Variants in CLYBL observed in about 807,000 individuals in gnomAD.
The protein encoded by CLYBL is citramalyl-CoA lyase, also known as citramalyl-CoA lyase, mitochondrial.
Under a neutral mutation model 38.9 loss-of-function variants are expected in CLYBL, and 31 were observed. The ratio of observed to expected loss-of-function variants is 0.80; its 90% CI spans 0.60 to 1.08. The LOEUF (loss-of-function observed/expected upper bound fraction) is 1.08. CLYBL is among the 50% of genes least tolerant of loss of function. The pLI is 0.00. For synonymous variants in CLYBL, 171 were observed against 158.6 expected, an observed-to-expected ratio of 1.08 and a Z score of -0.59; for missense variants, 434 against 411.6, an observed-to-expected ratio of 1.05 and a Z score of -0.47.
intron 1 of CLYBL, among the ~76,000 whole-genome samples, chr13:99,665,004 A>G (rs954206075): frequency 2.0e-5 from 3 of 151,914 alleles, no homozygotes; most frequent in African/African-American, 7.2e-5. Context: ...ATAGCAGAAG[A>G]ATGTTTTTCA....
intron 2 of CLYBL, 27 bp from the exon 3 acceptor site, chr13:99,858,827 AAATAAAC>A (rs746693385): frequency 9.9e-6 from 15 of 1,520,460 alleles, no homozygotes; most frequent in Non-Finnish European, 1.2e-5. Flanking sequence ...TCAATGATAA[AAATAAAC>A]AATAAACTTT....
chr13:99,731,401 T>C (rs1007334130), intron 1 of CLYBL, among the ~76,000 whole-genome samples: 10 of 147,774 alleles, frequency 6.8e-5, no homozygotes, highest in African/African-American at 1.0e-4. Context: ...TGGGAGGCCA[T>C]GGTGGGAGGA....
chr13:99,703,886 T>C (rs1044093419), intron 1 of CLYBL, among the ~76,000 whole-genome samples: 3 of 152,226 alleles, frequency 2.0e-5, no homozygotes, highest in African/African-American at 7.2e-5. Context: ...AGCTTATACA[T>C]ATAAGATAAT....
intron 1 of CLYBL, among the ~76,000 whole-genome samples, chr13:99,632,855 A>C (rs2046965175): frequency 6.6e-6 from 1 of 152,232 alleles, no homozygotes; most frequent in Non-Finnish European, 1.5e-5. Context: ...ATTAATAGAC[A>C]AGGACTTTAA....
chr13:99,807,347 T>C (rs2050251998), intron 2 of CLYBL, among the ~76,000 whole-genome samples: 1 of 152,234 alleles, frequency 6.6e-6, no homozygotes, highest in African/African-American at 2.4e-5. Flanking sequence ...ATCCACTGGC[T>C]GGTATTCAGT....
intron 1 of CLYBL, among the ~76,000 whole-genome samples, chr13:99,659,311 C>T (rs1407562911): frequency 6.6e-6 from 1 of 151,872 alleles, no homozygotes; most frequent in Admixed American, 6.6e-5. Flanking sequence ...CAGTGATTGC[C>T]CTAACTTGTG....
At chr13:99,789,994 G>T (rs1301746251) in intron 2 of CLYBL, among the ~76,000 whole-genome samples, 2 of 152,064 alleles carry the variant, frequency 1.3e-5, no homozygotes, top group East Asian at 3.9e-4. Context: ...TTTAAAGTCT[G>T]TTTTATCAAA....
intron 1 of CLYBL, among the ~76,000 whole-genome samples, chr13:99,678,424 C>T (rs563117008): frequency 4.3e-4 from 65 of 152,308 alleles, no homozygotes; most frequent in Admixed American, 6.5e-4. Flanking sequence ...AGGTTGATTC[C>T]AAGCTCTGCT....
intron 1 of CLYBL, among the ~76,000 whole-genome samples, chr13:99,730,892 G>C (rs931373731): frequency 1.3e-5 from 2 of 151,690 alleles, no homozygotes; most frequent in Non-Finnish European, 2.9e-5. Context: ...AGACCAGCCT[G>C]GACAACATGG....
chr13:99,663,738 A>G lies in CLYBL; in HGVS notation c.62+56981A>G, dbSNP rs200430754. 1.4e-4 allele frequency among the ~76,000 whole-genome samples: 22 copies of G among 152,306 alleles called. No individual in the cohort carries two copies. In the East Asian group the frequency reaches 4.2e-3, roughly 29 times the overall value. On this transcript the variant is annotated intron_variant, in intron 1 of 8. Coordinates refer to ENST00000339105, the MANE Select transcript of CLYBL (RefSeq NM_206808.5). ...TTGTGCGGAAGCCAGCTGGCATCTC[A>G]CAGGGACAACCTACAACCTGAGCTG...
At chr13:99,704,072 A>T (rs2048110272) in intron 1 of CLYBL, among the ~76,000 whole-genome samples, 1 of 152,220 alleles carries the variant, frequency 6.6e-6, no homozygotes. Flanking sequence ...AAAGTTGCTT[A>T]TGTAAAGACT....
At chr13:99,792,565 C>T (rs1336925316) in intron 2 of CLYBL, among the ~76,000 whole-genome samples, 1 of 152,146 alleles carries the variant, frequency 6.6e-6, no homozygotes, top group Non-Finnish European at 1.5e-5. Flanking sequence ...TTGGCAATCC[C>T]TCCACCCCAC....
chr13:99,904,935 A>G (rs1341641821), intron 8 of CLYBL, among the ~76,000 whole-genome samples: 1 of 152,190 alleles, frequency 6.6e-6, no homozygotes, highest in Admixed American at 6.5e-5. Context: ...GCTTTGAGCC[A>G]TCTTTGCAGA....
chr13:99,772,487 A>G (rs1020443739), intron 1 of CLYBL, among the ~76,000 whole-genome samples: 1 of 152,138 alleles, frequency 6.6e-6, no homozygotes, highest in African/African-American at 2.4e-5. Context: ...CCTTGAGCCT[A>G]GGAGTTCAAG....
chr13:99,616,750 G>T (rs1027829419), intron 1 of CLYBL, among the ~76,000 whole-genome samples: 3 of 152,144 alleles, frequency 2.0e-5, no homozygotes, highest in Non-Finnish European at 4.4e-5. Context: ...GAGGTCAGAA[G>T]TTCAAGACCA....
chr13:99,606,848 C>A lies in CLYBL; in HGVS notation c.62+91C>A, dbSNP rs531354998. 10 of 1,291,796 alleles carry A rather than the reference C, an allele frequency of 7.7e-6. No individual in the cohort carries two copies. In the African/African-American group the frequency reaches 1.4e-4, roughly 18 times the overall value. 80.0% of individuals were successfully genotyped at this position (1,291,796 alleles called of 1,614,324 possible). A position where few individuals can be genotyped will look rare whatever the true frequency, so the allele number is the denominator to read the frequency against. ...CCCCGCGGGCCGGGCGCGGCCTCCC[C>A]AAGCCCTCACGGGAACCCAGCCGGA... On this transcript the variant is annotated intron_variant, in intron 1 of 8. Coordinates refer to ENST00000339105, the MANE Select transcript of CLYBL (RefSeq NM_206808.5).
chr13:99,652,799 G>A (rs1339610295), intron 1 of CLYBL, among the ~76,000 whole-genome samples: 1 of 152,204 alleles, frequency 6.6e-6, no homozygotes, highest in African/African-American at 2.4e-5. Context: ...CCTGGGTGTC[G>A]GAGGTGAGGA....
chr13:99,717,281 C>G (rs1278542734), intron 1 of CLYBL, among the ~76,000 whole-genome samples: 1 of 151,128 alleles, frequency 6.6e-6, no homozygotes, highest in Non-Finnish European at 1.5e-5. Flanking sequence ...CAAAAATTAG[C>G]TGGGTGTGGT....
At chr13:99,669,054 T>G (rs1459192228) in intron 1 of CLYBL, among the ~76,000 whole-genome samples, 1 of 148,612 alleles carries the variant, frequency 6.7e-6, no homozygotes, top group Non-Finnish European at 1.5e-5. Context: ...CAGGCTGGAG[T>G]GCAGTGGCGC....
Sources: gnomAD v4.1 joint callset for allele counts (sites outside exome capture counted in the v4.1 genomes callset) on GRCh38, gnomAD v4.1.1 for gene constraint, MANE v1.5 for transcripts, NCBI Gene and HGNC (gene_info 2026-07-23, HGNC 2026-07-21) for gene names.